The following OTC variants were observed in gnomAD, a reference collection of about 807,000 sequenced individuals.
OTC encodes the protein ornithine transcarbamylase, also known as ornithine transcarbamylase, mitochondrial.
A neutral mutation model predicts 30.3 loss-of-function variants in OTC; 3 were observed. That is an observed-to-expected ratio of 0.10 (90% CI 0.05 to 0.26). The LOEUF is 0.26. Among genes scored for constraint, OTC ranks in the 10% least tolerant of loss-of-function variants. OTC has a pLI of 1.00. For synonymous variants in OTC, 111 were observed against 99.7 expected, an observed-to-expected ratio of 1.11 and a Z score of -0.67; for missense variants, 194 against 260.3, an observed-to-expected ratio of 0.75 and a Z score of 1.75.
At chrX:38,419,826 A>G (rs2068586380) in intron 9 of OTC, among the ~76,000 whole-genome samples, 1 of 111,349 alleles carries the variant, frequency 9.0e-6, no homozygotes, top group Non-Finnish European at 1.9e-5. Context: ...TCATAGAAGT[A>G]GAGAGTAGAA....
chrX:38,367,890 G>C (rs1032162794), intron 2 of OTC, among the ~76,000 whole-genome samples: 14 of 110,248 alleles, frequency 1.3e-4, no homozygotes, highest in African/African-American at 4.3e-4. Context: ...GCTAATTTTT[G>C]TATTTTTAGT....
chrX:38,395,675 G>A (rs66786532), intron 4 of OTC: 26,877 of 148,913 alleles, frequency 0.18, 2,023 homozygotes, highest in Middle Eastern at 0.29. Context: ...TCCCCCATTT[G>A]GACAGCAGGT....
chrX:38,374,065 G>T (rs2068334482), intron 3 of OTC, among the ~76,000 whole-genome samples: 1 of 111,349 alleles, frequency 9.0e-6, no homozygotes. Context: ...TCGGGAGGCT[G>T]AGGCAGGAGA....
At position 38,352,728 on chromosome X, in the gene OTC, A is replaced by G; in HGVS notation, c.32A>G (p.Asn11Ser). The change falls in exon 1 of 10, where the codon AAT (asparagine) becomes AGT (serine). Residue 11 changes from asparagine (N) to serine (S), a missense_variant. By Grantham distance (46) the Asn-to-Ser change is conservative. Coordinates refer to ENST00000039007, the MANE Select transcript of OTC (RefSeq NM_000531.6). MLFNLRILLN[N>S]AAFRNGHNFM... ...TTTAATCTGAGGATCCTGTTAAACA[A>G]TGCAGCTTTTAGAAATGGTCACAAC... The G allele has an allele frequency of 3.3e-6, 4 of 1,208,675 alleles. No individual in the cohort carries two copies. Among genetic ancestry groups the G allele is most frequent in the Non-Finnish European group, 2.2e-6 (2 of 892,416 alleles).
At chrX:38,361,912 A>G (rs1257536496) in intron 1 of OTC, among the ~76,000 whole-genome samples, 1 of 111,860 alleles carries the variant, frequency 8.9e-6, no homozygotes, top group African/African-American at 3.3e-5. Context: ...GTTACTTTAC[A>G]TGGCTTCAGA....
At chrX:38,344,279 G>A in the OTC span, among the ~76,000 whole-genome samples, 43 of 103,703 alleles carry the variant, frequency 4.1e-4, no homozygotes, top group Middle Eastern at 9.4e-3. Context: ...ACACACACAC[G>A]TGGAGAGAAA....
At chrX:38,354,626 G>A (rs781069249) in intron 1 of OTC, among the ~76,000 whole-genome samples, 12 of 111,014 alleles carry the variant, frequency 1.1e-4, no homozygotes, top group African/African-American at 3.9e-4. Context: ...ATTTCTCACA[G>A]TGAATGGGGG....
At chrX:38,350,076 T>G (rs372004226), upstream of OTC, among the ~76,000 whole-genome samples, 4 of 111,217 alleles carry the variant, frequency 3.6e-5, no homozygotes, top group African/African-American at 1.3e-4. Flanking sequence ...GTGCCACCTT[T>G]TTCAGGAACC....
chrX:38,388,938 T>G (rs2068418253), intron 4 of OTC, among the ~76,000 whole-genome samples: 1 of 111,916 alleles, frequency 8.9e-6, no homozygotes, highest in African/African-American at 3.2e-5. Context: ...CAACAGAAAT[T>G]TATTTTCCCA....
the OTC span, among the ~76,000 whole-genome samples, chrX:38,339,047 T>C: frequency 5.4e-5 from 6 of 111,890 alleles, no homozygotes; most frequent in East Asian, 1.7e-3. Context: ...GGGGAACTAG[T>C]TGGGGGGTGG....
At chrX:38,368,369 G>C (rs2068307566) in intron 2 of OTC, among the ~76,000 whole-genome samples, 1 of 111,062 alleles carries the variant, frequency 9.0e-6, no homozygotes, top group Non-Finnish European at 1.9e-5. Context: ...TGCAAAAAAA[G>C]AAGATGATCC....
intron 1 of OTC, among the ~76,000 whole-genome samples, chrX:38,366,752 T>C (rs1254410818): frequency 9.0e-6 from 1 of 111,681 alleles, no homozygotes; most frequent in African/African-American, 3.3e-5. Context: ...CAAATAAAAA[T>C]TCAATCTCTT....
At chrX:38,412,699 G>T (rs1042704312) in intron 9 of OTC, among the ~76,000 whole-genome samples, 1 of 111,912 alleles carries the variant, frequency 8.9e-6, no homozygotes, top group Non-Finnish European at 1.9e-5. Context: ...TGACTTAACT[G>T]GTCTCAATTA....
chrX:38,404,279 C>T (rs993056909), intron 6 of OTC, among the ~76,000 whole-genome samples: 2 of 112,294 alleles, frequency 1.8e-5, no homozygotes, highest in Non-Finnish European at 3.8e-5. Flanking sequence ...CCCCTGCATA[C>T]TTCCTACCTT....
chrX:38,379,144 C>G, intron 3 of OTC, among the ~76,000 whole-genome samples: 1 of 111,534 alleles, frequency 9.0e-6, no homozygotes, highest in Admixed American at 9.5e-5. Context: ...TTGATCCTAC[C>G]TGGCACCTAG....
chrX:38,391,178 G>A (rs888751389), intron 4 of OTC, among the ~76,000 whole-genome samples: 6 of 110,249 alleles, frequency 5.4e-5, no homozygotes, highest in Non-Finnish European at 1.1e-4. Flanking sequence ...CTCATTCATA[G>A]GTGGGAATTG....
chrX:38,365,725 T>G (rs1302141677), intron 1 of OTC, among the ~76,000 whole-genome samples: 2 of 112,132 alleles, frequency 1.8e-5, no homozygotes, highest in Non-Finnish European at 3.8e-5. Flanking sequence ...AAATTTAAAG[T>G]AGGAAAGACA....
At chrX:38,334,650 A>T in the OTC span, among the ~76,000 whole-genome samples, 1 of 112,559 alleles carries the variant, frequency 8.9e-6, no homozygotes, top group African/African-American at 3.2e-5. Context: ...TATTGTGTAT[A>T]TTGTAAAGCA....
chrX:38,386,906 A>G (rs1416488256), intron 4 of OTC, among the ~76,000 whole-genome samples: 2 of 112,334 alleles, frequency 1.8e-5, no homozygotes, highest in Non-Finnish European at 3.8e-5. Context: ...ACCATTTTAC[A>G]TCACCACCAA....
Sources: allele counts gnomAD v4.1 joint callset (sites outside exome capture counted in the v4.1 genomes callset), GRCh38; gene constraint gnomAD v4.1.1; transcripts MANE v1.5; gene names NCBI Gene and HGNC (gene_info 2026-07-23, HGNC 2026-07-21).